STK3: variants seen among roughly 807,000 people sequenced by gnomAD.
STK3 encodes the protein serine/threonine-protein kinase 3.
STK3 carries 41 observed loss-of-function variants against 58.0 expected under a neutral mutation model. The observed-to-expected ratio is 0.71, with a 90% CI of 0.55 to 0.92. STK3 has a LOEUF of 0.92. Among genes scored for constraint, STK3 ranks in the 40% least tolerant of loss-of-function variants. The probability of loss-of-function intolerance (pLI) is 0.00; values close to 1 mark genes in which losing one functional copy is unlikely to be tolerated. For missense variants in STK3, 479 were observed against 602.7 expected (o/e 0.79, Z 2.15); for synonymous variants, 170 against 191.0 (o/e 0.89, Z 0.91).
intron 10 of STK3, among the ~76,000 whole-genome samples, chr8:98,496,256 GA>G (rs1198650719): frequency 6.6e-6 from 1 of 151,972 alleles, no homozygotes; most frequent in African/African-American, 2.4e-5. Context: ...CTTATATGTA[GA>G]AAATCATAAG....
At chr8:98,387,387 G>T (rs963084998) in intron 1 of STK3, among the ~76,000 whole-genome samples, 1 of 152,172 alleles carries the variant, frequency 6.6e-6, no homozygotes, top group Non-Finnish European at 1.5e-5. Flanking sequence ...ACTTGAATTG[G>T]AAACCTAAGC....
intron 9 of STK3, among the ~76,000 whole-genome samples, chr8:98,537,240 A>G (rs1297047900): frequency 6.6e-6 from 1 of 152,214 alleles, no homozygotes; most frequent in Non-Finnish European, 1.5e-5. Context: ...TTAATTTAAA[A>G]CCTAGTATTA....
intron 3 of STK3, among the ~76,000 whole-genome samples, chr8:98,833,457 C>T (rs1386838271): frequency 6.6e-6 from 1 of 152,038 alleles, no homozygotes; most frequent in Admixed American, 6.5e-5. Flanking sequence ...TCTCCTGGAT[C>T]AGGAAAAGAT....
At chr8:98,363,956 A>T in the STK3 span, among the ~76,000 whole-genome samples, 1 of 152,210 alleles carries the variant, frequency 6.6e-6, no homozygotes, top group East Asian at 1.9e-4. Flanking sequence ...GATGGTCAAG[A>T]TGCTGCCCTG....
intron 10 of STK3, among the ~76,000 whole-genome samples, chr8:98,514,642 T>C (rs1446547734): frequency 3.3e-5 from 5 of 151,994 alleles, no homozygotes; most frequent in African/African-American, 1.2e-4. Context: ...CATGGGTAGA[T>C]AGAGCCAGCC....
chr8:98,654,138 A>T (rs1285598527), intron 6 of STK3, among the ~76,000 whole-genome samples: 1 of 152,208 alleles, frequency 6.6e-6, no homozygotes, highest in Non-Finnish European at 1.5e-5. Context: ...ATCCACCATG[A>T]TCAAGTTGGA....
intron 4 of STK3, among the ~76,000 whole-genome samples, chr8:98,723,690 T>C (rs1430634576): frequency 6.6e-6 from 1 of 152,176 alleles, no homozygotes; most frequent in Non-Finnish European, 1.5e-5. Flanking sequence ...TAATACCTAT[T>C]AGATAGTAAG....
At chr8:98,551,773 C>T (rs1811190013) in intron 8 of STK3, among the ~76,000 whole-genome samples, 1 of 152,098 alleles carries the variant, frequency 6.6e-6, no homozygotes, top group African/African-American at 2.4e-5. Flanking sequence ...TTGTATAGCA[C>T]CTTTACTCGC....
At chr8:98,673,410 T>C (rs780514560) in intron 6 of STK3, among the ~76,000 whole-genome samples, 36 of 152,106 alleles carry the variant, frequency 2.4e-4, no homozygotes, top group Non-Finnish European at 4.7e-4. Flanking sequence ...TAAGTTAGTA[T>C]ACAAAAAATA....
At chr8:98,780,025 TA>T (rs1203281538) in intron 1 of STK3, among the ~76,000 whole-genome samples, 2 of 151,890 alleles carry the variant, frequency 1.3e-5, no homozygotes, top group Non-Finnish European at 2.9e-5. Flanking sequence ...CACATAAATA[TA>T]AAAGTAGATA....
the STK3 span, among the ~76,000 whole-genome samples, chr8:98,354,539 GCTAC>G: frequency 6.6e-6 from 1 of 152,170 alleles, no homozygotes; most frequent in African/African-American, 2.4e-5. Context: ...CTGGCCTCAG[GCTAC>G]CTACCTCTAG....
chr8:98,785,569 G>C (rs1358538389), intron 1 of STK3, among the ~76,000 whole-genome samples: 3 of 152,146 alleles, frequency 2.0e-5, no homozygotes, highest in African/African-American at 7.2e-5. Flanking sequence ...CCTCAGGGCT[G>C]AGCAGGAAAC....
At chr8:98,777,067 T>C (rs1831736949) in intron 1 of STK3, among the ~76,000 whole-genome samples, 1 of 150,858 alleles carries the variant, frequency 6.6e-6, no homozygotes, top group Non-Finnish European at 1.5e-5. Flanking sequence ...AAAAATTAAT[T>C]AAAAATTTTA....
chr8:98,387,098 T>C (rs1817799300), intron 1 of STK3, among the ~76,000 whole-genome samples: 1 of 152,178 alleles, frequency 6.6e-6, no homozygotes. Flanking sequence ...CTTACTTACA[T>C]AGGGAATAGT....
At chr8:98,674,917 A>G (rs1434542390) in intron 6 of STK3, among the ~76,000 whole-genome samples, 2 of 152,210 alleles carry the variant, frequency 1.3e-5, no homozygotes, top group East Asian at 3.8e-4. Flanking sequence ...TACATTTCAC[A>G]TACACATTTA....
intron 3 of STK3, chr8:98,430,004 C>T (rs1818306075): frequency 6.0e-6 from 1 of 167,254 alleles, no homozygotes; most frequent in Admixed American, 6.5e-5. Context: ...TATAAATGAT[C>T]TGTAGTTCCG....
chr8:98,831,186 C>T (rs1250751293), intron 3 of STK3, among the ~76,000 whole-genome samples: 4 of 152,224 alleles, frequency 2.6e-5, no homozygotes, highest in African/African-American at 7.2e-5. Context: ...TAACTGAATA[C>T]GTACACCACC....
intron 6 of STK3, among the ~76,000 whole-genome samples, chr8:98,687,200 A>G (rs1295467425): frequency 6.6e-6 from 1 of 152,218 alleles, no homozygotes; most frequent in African/African-American, 2.4e-5. Context: ...TATGACCTGT[A>G]AAGCAGCAGT....
chr8:98,421,505 G>A (rs1818173048), intron 3 of STK3, among the ~76,000 whole-genome samples: 2 of 152,190 alleles, frequency 1.3e-5, no homozygotes, highest in Admixed American at 6.5e-5. Context: ...CAGGTGCAGT[G>A]GCTCATGCTT....
Sources: allele counts gnomAD v4.1 joint callset (sites outside exome capture counted in the v4.1 genomes callset), GRCh38; gene constraint gnomAD v4.1.1; transcripts MANE v1.5; gene names NCBI Gene and HGNC (gene_info 2026-07-23, HGNC 2026-07-21).